Variants in KIF18A observed in about 807,000 individuals in gnomAD.
The protein encoded by KIF18A is kinesin family member 18A.
A neutral mutation model predicts 103.3 loss-of-function variants in KIF18A; 67 were observed. The observed-to-expected ratio is 0.65, with a 90% CI of 0.53 to 0.79. The LOEUF is 0.79. KIF18A is among the 30% of genes least tolerant of loss of function. The probability of loss-of-function intolerance (pLI) is 0.00; values close to 1 mark genes in which losing one functional copy is unlikely to be tolerated. For missense variants in KIF18A, 1,032 were observed against 1,062.5 expected, an observed-to-expected ratio of 0.97 and a Z score of 0.40; for synonymous variants, 367 against 355.5, an observed-to-expected ratio of 1.03 and a Z score of -0.36.
At chr11:28,059,624 G>A (rs1850833154) in intron 12 of KIF18A, among the ~76,000 whole-genome samples, 1 of 151,832 alleles carries the variant, frequency 6.6e-6, no homozygotes, top group Non-Finnish European at 1.5e-5. Flanking sequence ...TAGAGATGGG[G>A]TCTTGCTATG....
At chr11:28,076,063 A>T (rs7950706) in intron 10 of KIF18A, among the ~76,000 whole-genome samples, 151,593 of 152,004 alleles carry the variant, frequency 1, 75,592 homozygotes, top group Non-Finnish European at 1. Context: ...GATATAGGCC[A>T]CTGAAATTTC....
chr11:28,069,293 A>G lies in KIF18A; in HGVS notation c.1556T>C (p.Met519Thr). Residue 519 changes from methionine to threonine, a missense_variant, in exon 11 of 17, where the codon ATG (methionine) becomes ACG (threonine). By Grantham distance (81) the Met-to-Thr change is moderately conservative. Transcript: ENST00000263181. ...ATGACCGTTTTGACTTAAGAGTCCC[A>G]TTTCTTTTTCGACACGATGGAGCCA... ...TNWLHRVEKEMGLLSQNGHIP... is the reference protein window; with the variant it reads ...TNWLHRVEKETGLLSQNGHIP... 4 of 1,613,376 alleles carry G rather than the reference A, an allele frequency of 2.5e-6. No individual in the cohort carries two copies. Among genetic ancestry groups the G allele is most frequent in the Non-Finnish European group, 3.4e-6 (4 of 1,179,536 alleles).
chr11:28,077,877 T>C (rs576069824), intron 9 of KIF18A, among the ~76,000 whole-genome samples: 1 of 152,166 alleles, frequency 6.6e-6, no homozygotes, highest in South Asian at 2.1e-4. Context: ...AGATGAGGAG[T>C]TTGATTCATA....
intron 14 of KIF18A, 87 bp downstream of exon 14, chr11:28,036,130 G>T: frequency 4.0e-6 from 3 of 755,872 alleles, no homozygotes; most frequent in South Asian, 4.5e-5. Context: ...AATCAAAATG[G>T]CACACTTGGT....
At position 28,063,688 on chromosome 11, in the gene KIF18A, C is replaced by T. The variant is rs1850883080; in HGVS notation, c.1591-1172G>A. 2.0e-5 allele frequency among the ~76,000 whole-genome samples: 3 copies of T among 151,832 alleles called. No homozygotes were observed. The South Asian group carries it at 6.2e-4, about 32-fold the overall frequency. ...TTTATTGGAAAAATTTCAAACAATA[C>T]AATGAAAAAAATTTAAATTCTTTGG... On this transcript the variant is annotated intron_variant, in intron 11 of 16. Transcript: ENST00000263181.
intron 4 of KIF18A, among the ~76,000 whole-genome samples, chr11:28,090,970 G>A (rs1384074067): frequency 6.6e-6 from 1 of 151,936 alleles, no homozygotes; most frequent in East Asian, 1.9e-4. Flanking sequence ...GACATTAAAT[G>A]TTCAAGCAGA....
intron 15 of KIF18A, among the ~76,000 whole-genome samples, chr11:28,030,561 C>A (rs1202229802): frequency 6.6e-6 from 1 of 152,108 alleles, no homozygotes; most frequent in Non-Finnish European, 1.5e-5. Context: ...AATGTTAGAG[C>A]TAAAACCATA....
intron 11 of KIF18A, among the ~76,000 whole-genome samples, chr11:28,063,584 A>C (rs529359807): frequency 1.3e-5 from 2 of 152,092 alleles, no homozygotes; most frequent in South Asian, 4.1e-4. Flanking sequence ...AAACCTACTA[A>C]ACCTTATCTA....
At chr11:28,087,761 CT>C (rs1851247043) in intron 6 of KIF18A, among the ~76,000 whole-genome samples, 2 of 152,110 alleles carry the variant, frequency 1.3e-5, no homozygotes, top group South Asian at 4.1e-4. Flanking sequence ...TGTTTCCTGA[CT>C]TTTTAATGAT....
intron 16 of KIF18A, 77 bp from the exon 17 acceptor site, chr11:28,021,359 A>C: frequency 8.9e-7 from 1 of 1,127,812 alleles, no homozygotes; most frequent in Non-Finnish European, 1.1e-6. Context: ...ACTTATAAAA[A>C]TTATGACCAT....
chr11:28,096,886 T>G (rs1163889002), intron 2 of KIF18A, among the ~76,000 whole-genome samples: 1 of 151,894 alleles, frequency 6.6e-6, no homozygotes, highest in Non-Finnish European at 1.5e-5. Context: ...CTCTCTCTTT[T>G]TTTTTTTTTA....
rs967818751 is a variant in KIF18A at position 28,088,396 on chromosome 11, T to C, written c.897+128A>G. The C allele has an allele frequency of 1.9e-5, 14 of 734,460 alleles. No individual in the cohort carries two copies. The African/African-American group carries it at 2.3e-4, about 12-fold the overall frequency. 45.5% of individuals were successfully genotyped at this position (734,460 alleles called of 1,614,324 possible). A position where few individuals can be genotyped will look rare whatever the true frequency, so the allele number is the denominator to read the frequency against. Reference sequence around the variant, plus strand: ...TTTCTGAGGTCTTTGATCTATATATTAACATTACTGATATACCCTTGAAAT... The same window carrying C: ...TTTCTGAGGTCTTTGATCTATATATCAACATTACTGATATACCCTTGAAAT... On this transcript the variant is annotated intron_variant, in intron 6 of 16. Transcript: ENST00000263181.
intron 11 of KIF18A, among the ~76,000 whole-genome samples, chr11:28,068,692 G>C (rs1397727746): frequency 6.6e-6 from 1 of 151,952 alleles, no homozygotes; most frequent in African/African-American, 2.4e-5. Context: ...ATCATGAAAC[G>C]ACAAGCACGA....
At chr11:28,053,479 C>G (rs1371318961) in intron 13 of KIF18A, among the ~76,000 whole-genome samples, 1 of 151,560 alleles carries the variant, frequency 6.6e-6, no homozygotes, top group Non-Finnish European at 1.5e-5. Context: ...TAAATGAATC[C>G]TAATCTTTTT....
intron 2 of KIF18A, among the ~76,000 whole-genome samples, chr11:28,096,411 T>C (rs1167474888): frequency 1.3e-5 from 2 of 152,188 alleles, no homozygotes; most frequent in South Asian, 4.1e-4. Flanking sequence ...CTATTTTATG[T>C]AAGCTGGTAT....
chr11:28,052,312 CTAAT>C (rs1392457882), intron 13 of KIF18A, among the ~76,000 whole-genome samples: 1 of 152,068 alleles, frequency 6.6e-6, no homozygotes, highest in East Asian at 1.9e-4. Flanking sequence ...GAGTAAAAGA[CTAAT>C]TAAGTCCTGA....
intron 11 of KIF18A, among the ~76,000 whole-genome samples, chr11:28,062,772 C>A (rs1314244948): frequency 6.6e-6 from 1 of 152,022 alleles, no homozygotes; most frequent in African/African-American, 2.4e-5. Context: ...GCTTCTTGGT[C>A]TATCCAACTT....
In KIF18A at chr11:28,094,686, A is replaced by T; in HGVS notation, c.440T>A (p.Ile147Asn). ...MLHLYKCMDE[I>N]KEEKICSTAV... ...AGTACTACATATTTTCTCTTCTTTAATCTCATCCATGCATTTGTAAAGGTG... is the reference window on the plus strand; with the variant it reads ...AGTACTACATATTTTCTCTTCTTTATTCTCATCCATGCATTTGTAAAGGTG... The change falls in exon 3 of 17, where the codon ATT (isoleucine) becomes AAT (asparagine). Residue 147 changes from isoleucine to asparagine, a missense_variant. Physicochemically the swap from Ile to Asn is moderately radical, Grantham distance 149. Transcript: ENST00000263181. 6.2e-7 allele frequency: 1 copy of T among 1,612,496 alleles called. No individual in the cohort carries two copies. The highest frequency in any genetic ancestry group is 8.5e-7 in the Non-Finnish European group (1 of 1,178,584).
Position 28,100,055 on chromosome 11 carries a change from G to A in KIF18A, c.-46-2062C>T, listed in dbSNP as rs549466203. ...CAGAATTTACTGACAGGTAGATGTA[G>A]AGTGAAAGAGAGAGACAGGATTGAA... is the stretch of plus-strand genomic sequence containing the variant. On this transcript the variant is annotated intron_variant, in intron 1 of 16. Coordinates refer to ENST00000263181, the MANE Select transcript of KIF18A (RefSeq NM_031217.4). Among the ~76,000 whole-genome samples the A allele has an allele frequency of 5.3e-5, 8 of 152,234 alleles. No individual in the cohort carries two copies. The East Asian group carries it at 1.5e-3, about 29-fold the overall frequency.
Sources: gnomAD v4.1 joint callset for allele counts (sites outside exome capture counted in the v4.1 genomes callset) on GRCh38, gnomAD v4.1.1 for gene constraint, MANE v1.5 for transcripts, NCBI Gene and HGNC (gene_info 2026-07-23, HGNC 2026-07-21) for gene names.